ERLIN2: variants seen among roughly 807,000 people sequenced by gnomAD.
ERLIN2 encodes ER lipid raft associated 2.
A neutral mutation model predicts 41.5 loss-of-function variants in ERLIN2; 22 were observed. The observed-to-expected ratio is 0.53, with a 90% CI of 0.38 to 0.76. The LOEUF is 0.76. Ranked by LOEUF, ERLIN2 falls within the 30% of genes least tolerant of loss-of-function variation. The pLI, the probability that ERLIN2 is intolerant of heterozygous loss-of-function variation, is 0.00. For missense variants in ERLIN2, 247 were observed against 414.3 expected, an observed-to-expected ratio of 0.60 and a Z score of 3.51; for synonymous variants, 149 against 150.9, an observed-to-expected ratio of 0.99 and a Z score of 0.09.
intron 2 of ERLIN2, 141 bp from the exon 3 acceptor site, chr8:37,740,224 G>A (rs1342647432): frequency 2.8e-6 from 2 of 718,386 alleles, no homozygotes; most frequent in African/African-American, 3.5e-5. Context: ...GGAAGAAAGG[G>A]ATCTGTAGCC....
chr8:37,749,605 C>T lies in ERLIN2; in HGVS notation c.471C>T (p.Thr157=), dbSNP rs1480521051. The T allele has an allele frequency of 6.2e-7, 1 of 1,613,666 alleles. No individual in the cohort carries two copies. Among genetic ancestry groups the T allele is most frequent in the African/African-American group, 1.3e-5 (1 of 74,920 alleles). Residue 157 remains threonine (T), a synonymous_variant, in exon 7 of 12, where the codon ACC becomes ACT. Coordinates refer to ENST00000519638, the MANE Select transcript of ERLIN2 (RefSeq NM_007175.8). The part of the protein sequence containing the change: ...NLKLALQQDL[T]SMAPGLVIQA... Reference sequence around the variant, plus strand: ...AACTGGCTTTGCAACAGGACCTGACCTCCATGGCCCCTGGGCTGGTCATTC... The same window carrying T: ...AACTGGCTTTGCAACAGGACCTGACTTCCATGGCCCCTGGGCTGGTCATTC...
intron 9 of ERLIN2, 121 bp from the exon 10 acceptor site, chr8:37,751,505 C>T (rs1207763135): frequency 6.5e-6 from 5 of 772,204 alleles, no homozygotes; most frequent in Non-Finnish European, 9.1e-6. Context: ...TGTGCACTCA[C>T]AGCTGCCCTC....
At chr8:37,738,572 A>T (rs1016274300) in intron 2 of ERLIN2, among the ~76,000 whole-genome samples, 1 of 152,106 alleles carries the variant, frequency 6.6e-6, no homozygotes, top group African/African-American at 2.4e-5. Flanking sequence ...CCCTATCTCT[A>T]AAAAAATAAA....
rs755002933 is a variant in ERLIN2 at position 37,744,877 on chromosome 8, T to C, written c.424+181T>C. 19 of 731,264 alleles carry C rather than the reference T, an allele frequency of 2.6e-5. No homozygotes were observed. In the East Asian group the frequency reaches 4.0e-4, roughly 15 times the overall value. The allele number at this position is 731,264 out of a possible 1,614,324, so 45.3% of individuals were successfully genotyped here. On this transcript the variant is annotated intron_variant, in intron 6 of 11. Coordinates refer to ENST00000519638, the MANE Select transcript of ERLIN2 (RefSeq NM_007175.8). ...AGTTCATGGAGAATGCTGATAGCTATGCAACAAGATCCTTAGAGGGCTGGA... is the reference window on the plus strand; with the variant it reads ...AGTTCATGGAGAATGCTGATAGCTACGCAACAAGATCCTTAGAGGGCTGGA...
chr8:37,752,062 G>A (rs774135468), intron 10 of ERLIN2, among the ~76,000 whole-genome samples: 1 of 152,278 alleles, frequency 6.6e-6, no homozygotes, highest in African/African-American at 2.4e-5. Context: ...ACTCTCAGCA[G>A]TTGGCTCTCC....
chr8:37,742,340 TAAA>T (rs770233868), intron 4 of ERLIN2, among the ~76,000 whole-genome samples: 13 of 127,380 alleles, frequency 1.0e-4, no homozygotes, highest in African/African-American at 2.8e-4. Flanking sequence ...ACTCCGTCTT[TAAA>T]AAAAAAAAAA....
rs1585901650 is a variant in ERLIN2, at chr8:37,741,064, A to T, written c.189+618A>T. ...GCTTTGTGGCTTTCAAACTGCATTC[A>T]GGTACATTGTCTCATTTGAGTCTTG... On this transcript the variant is annotated intron_variant, in intron 3 of 11. Transcript: ENST00000519638. This position sits in a 1 kb window ranked among gnomAD's most constrained non-coding sequence, Gnocchi z 4.8. Among the ~76,000 whole-genome samples, 1 of 152,220 alleles carries T rather than the reference A, an allele frequency of 6.6e-6. No homozygotes were observed. Among genetic ancestry groups the T allele is most frequent in the East Asian group, 1.9e-4 (1 of 5,204 alleles).
chr8:37,750,092 G>A, intron 8 of ERLIN2: 1 of 630,532 alleles, frequency 1.6e-6, no homozygotes, highest in Non-Finnish European at 2.8e-6. Context: ...AAAGGGCCAG[G>A]GGGCCTTGTT....
At chr8:37,745,728 T>C (rs1803022782) in intron 6 of ERLIN2, 1 of 1,549,298 alleles carries the variant, frequency 6.5e-7, no homozygotes, top group Non-Finnish European at 8.7e-7. Flanking sequence ...CAAATTACTT[T>C]TAATGTTTCT....
At position 37,741,792 on chromosome 8, in the gene ERLIN2, G is replaced by A. The variant is rs1802860144; in HGVS notation, c.210G>A (p.Glu70=). 3 of 1,613,684 alleles carry A rather than the reference G, an allele frequency of 1.9e-6. No individual in the cohort carries two copies. The East Asian group carries it at 6.7e-5, about 36-fold the overall frequency. The stretch of plus-strand genomic sequence containing the variant: ...TCCAGACCACACTCCAGACAGATGA[G>A]GTGAAGAATGTACCTTGTGGGACTA... ...KSVQTTLQTD[E]VKNVPCGTSG... The change falls in exon 4 of 12, where the codon GAG becomes GAA. Residue 70 remains glutamate, a synonymous_variant. Transcript: ENST00000519638. This position sits in a 1 kb window ranked among gnomAD's most constrained non-coding sequence, Gnocchi z 4.8.
At chr8:37,747,087 G>A (rs1038594073) in intron 6 of ERLIN2, among the ~76,000 whole-genome samples, 1 of 151,604 alleles carries the variant, frequency 6.6e-6, no homozygotes, top group Non-Finnish European at 1.5e-5. Context: ...GAAGAAGTTT[G>A]CATCAAATGG....
chr8:37,736,973 A>C, intron 1 of ERLIN2: 2 of 985,888 alleles, frequency 2.0e-6, no homozygotes, highest in Admixed American at 6.1e-5. Context: ...GCAGGAAAGG[A>C]CGCAACTGCA....
rs907287913 is a variant in ERLIN2, at chr8:37,753,957, G to C, written c.862G>C (p.Ala288Pro). 5 of 1,613,336 alleles carry C rather than the reference G, an allele frequency of 3.1e-6. No individual in the cohort carries two copies. The highest frequency in any genetic ancestry group is 4.2e-6 in the Non-Finnish European group (5 of 1,179,818). The change falls in exon 12 of 12, where the codon GCC becomes CCC. Residue 288 changes from alanine (A) to proline (P), a missense_variant. By Grantham distance (27) the Ala-to-Pro change is conservative. Transcript: ENST00000519638. ...ATATCTGCAGCTGATGAAGTACAAG[G>C]CCATTGCTTCCAACAGCAAGATTTA... ...PEYLQLMKYK[A>P]IASNSKIYFG... is the part of the protein sequence containing the mutation.
intron 6 of ERLIN2, chr8:37,746,352 C>T: frequency 1.0e-6 from 1 of 985,292 alleles, no homozygotes; most frequent in African/African-American, 1.7e-5. Context: ...TGAAGTTTAC[C>T]TGAAGAACCT....
intron 1 of ERLIN2, 36 bp downstream of exon 1, chr8:37,736,714 C>A (rs947822691): frequency 1.0e-6 from 1 of 985,568 alleles, no homozygotes; most frequent in Admixed American, 6.1e-5. Flanking sequence ...GCGCGCTGGG[C>A]CTAGCTGCCG....
Position 37,754,102 on chromosome 8 carries a change from C to T in ERLIN2, c.1007C>T (p.Thr336Ile), listed in dbSNP as rs760408587. ...GAAGATGAACCCTTGGAGACGGCCA[C>T]TAAGGAGAATTGAAAAAAACTTGAT... ...GLEDEPLETA[T>I]KEN The change falls in exon 12 of 12, where the codon ACT becomes ATT. Residue 336 changes from threonine (T) to isoleucine (I), a missense_variant. This residue lies in a region of ERLIN2 where 153 missense variants were observed against 256.4 expected (regional missense o/e 0.60). Coordinates refer to ENST00000519638, the MANE Select transcript of ERLIN2 (RefSeq NM_007175.8). The T allele has an allele frequency of 1.9e-6, 3 of 1,613,598 alleles. No homozygotes were observed. The highest frequency in any genetic ancestry group is 1.6e-4 in the Middle Eastern group (1 of 6,062).
rs896559136 is a variant in ERLIN2 at position 37,750,157 on chromosome 8, G to A, written c.558-238G>A. On this transcript the variant is annotated intron_variant, in intron 8 of 11. Transcript: ENST00000519638. ...GACAGGAGCAAGAGACCAGTAAGTG[G>A]ACAGGCAGGTGTATTTTACTAAATT... is the stretch of plus-strand genomic sequence containing the variant. 9 of 620,506 alleles carry A rather than the reference G, an allele frequency of 1.5e-5. No individual in the cohort carries two copies. In the South Asian group the frequency reaches 1.7e-4, roughly 12 times the overall value. The allele number at this position is 620,506 out of a possible 1,614,324, so 38.4% of individuals were successfully genotyped here.
In ERLIN2 at chr8:37,756,942, T is replaced by A. The variant is rs1803371901; in HGVS notation, c.*2827T>A. ...AGTGATTCATATTCAGTACTGTTTT[T>A]AATCACTTTTTAAAATATAAGGACC... On this transcript the variant is annotated 3_prime_UTR_variant, in exon 12 of 12. Coordinates refer to ENST00000519638, the MANE Select transcript of ERLIN2 (RefSeq NM_007175.8). The A allele has an allele frequency of 6.6e-6, 1 of 152,394 alleles. No individual in the cohort carries two copies. Among genetic ancestry groups the A allele is most frequent in the African/African-American group, 2.4e-5 (1 of 41,464 alleles). 9.4% of individuals were successfully genotyped at this position (152,394 alleles called of 1,614,324 possible).
At position 37,737,037 on chromosome 8, in the gene ERLIN2, C is replaced by T. The variant is rs1802669900; in HGVS notation, c.-16+359C>T. On this transcript the variant is annotated intron_variant, in intron 1 of 11. Transcript: ENST00000519638. Reference sequence around the variant, plus strand: ...AATAAGCGCCTCGCAGATGTCCGCGCCCCGGTTACGTTAGACCTGGGAGGC... The same window carrying T: ...AATAAGCGCCTCGCAGATGTCCGCGTCCCGGTTACGTTAGACCTGGGAGGC... 3 of 971,076 alleles carry T rather than the reference C, an allele frequency of 3.1e-6. No homozygotes were observed. In the South Asian group the frequency reaches 1.4e-4, roughly 46 times the overall value. The allele number at this position is 971,076 out of a possible 1,614,324, so 60.2% of individuals were successfully genotyped here. A position where few individuals can be genotyped will look rare whatever the true frequency, so the allele number is the denominator to read the frequency against.
Sources: gnomAD v4.1 joint callset for allele counts (sites outside exome capture counted in the v4.1 genomes callset) on GRCh38, gnomAD v4.1.1 for gene constraint, gnomAD v4.1.1 regional missense constraint, Gnocchi (gnomAD v3.1) non-coding constraint, MANE v1.5 for transcripts, NCBI Gene and HGNC (gene_info 2026-07-23, HGNC 2026-07-21) for gene names.